BTN3A1: variants seen among roughly 807,000 people sequenced by gnomAD.
BTN3A1 encodes the protein dJ45P21.3 (butyrophilin, subfamily 3, member A1).
Under a neutral mutation model 43.0 loss-of-function variants are expected in BTN3A1, and 24 were observed. The ratio of observed to expected loss-of-function variants is 0.56; its 90% CI spans 0.40 to 0.78. BTN3A1 has a LOEUF of 0.78. Ranked by LOEUF, BTN3A1 falls within the 30% of genes least tolerant of loss-of-function variation. BTN3A1 has a pLI of 0.00. For missense variants in BTN3A1, 533 were observed against 626.2 expected, an observed-to-expected ratio of 0.85 and a Z score of 1.59; for synonymous variants, 181 against 234.7, an observed-to-expected ratio of 0.77 and a Z score of 2.09.
At position 26,407,714 on chromosome 6, in the gene BTN3A1, T is replaced by C. The variant is rs373188059; in HGVS notation, c.477T>C (p.Asp159=). 5.0e-6 allele frequency: 8 copies of C among 1,614,088 alleles called. No homozygotes were observed. The African/African-American group carries it at 1.1e-4, about 22-fold the overall frequency. Residue 159 remains aspartate (D), a synonymous_variant, in exon 4 of 10, where the codon GAT becomes GAC. Transcript: ENST00000289361. ...DLHVDVKGYK[D]GGIHLECRST... The stretch of plus-strand genomic sequence containing the variant: ...ACGTTGATGTGAAGGGTTACAAGGA[T>C]GGAGGGATCCATCTGGAGTGCAGGT...
chr6:26,407,818 T>C lies in BTN3A1; in HGVS notation c.581T>C (p.Val194Ala), dbSNP rs1762071280. Residue 194 changes from valine to alanine, a missense_variant, in exon 4 of 10, where the codon GTG (valine) becomes GCG (alanine). Val to Ala is a moderately conservative substitution (Grantham distance 64, BLOSUM62 0). Transcript: ENST00000289361. Reference sequence around the variant, plus strand: ...AACATCCCGACTGTGGAAGCACCTGTGGTTGCAGACGGAGTGGGCCTGTAT... The same window carrying C: ...AACATCCCGACTGTGGAAGCACCTGCGGTTGCAGACGGAGTGGGCCTGTAT... ...GENIPTVEAP[V>A]VADGVGLYAV... 1.9e-6 allele frequency: 3 copies of C among 1,614,214 alleles called. No individual in the cohort carries two copies. The highest frequency in any genetic ancestry group is 2.5e-6 in the Non-Finnish European group (3 of 1,180,028).
At chr6:26,411,025 A>G (rs1044114309) in intron 7 of BTN3A1, 84 bp from the exon 8 acceptor site, 4 of 797,080 alleles carry the variant, frequency 5.0e-6, no homozygotes, top group Non-Finnish European at 7.8e-6. Context: ...AAAAAAAAAG[A>G]TTAGATGGAT....
At chr6:26,409,793 C>CA (rs997707270) in intron 5 of BTN3A1, 60 bp downstream of exon 5, 1 of 1,603,244 alleles carries the variant, frequency 6.2e-7, no homozygotes, top group African/African-American at 1.3e-5. Context: ...CCAAAGACCT[C>CA]ACGCCCATCC....
intron 9 of BTN3A1, 158 bp downstream of exon 9, chr6:26,411,739 C>A: frequency 1.1e-6 from 1 of 896,162 alleles, no homozygotes; most frequent in Non-Finnish European, 1.7e-6. Context: ...GAAAAGTGGG[C>A]CCATCTCCAA....
intron 9 of BTN3A1, 125 bp from the exon 10 acceptor site, chr6:26,413,044 G>A: frequency 6.6e-6 from 10 of 1,509,640 alleles, no homozygotes; most frequent in Non-Finnish European, 8.8e-6. Flanking sequence ...TCACATTTAG[G>A]GCAGACTAGG....
chr6:26,412,731 C>T (rs1452349785), intron 9 of BTN3A1: 1 of 1,551,406 alleles, frequency 6.4e-7, no homozygotes, highest in Non-Finnish European at 8.7e-7. Context: ...GATGAGGCTC[C>T]ACTTTGTTAA....
chr6:26,408,682 T>C (rs1762102835), intron 4 of BTN3A1, among the ~76,000 whole-genome samples: 1 of 152,228 alleles, frequency 6.6e-6, no homozygotes, highest in African/African-American at 2.4e-5. Flanking sequence ...TAAAAAGTTA[T>C]TTTTTATAGC....
intron 8 of BTN3A1, 68 bp downstream of exon 8, chr6:26,411,203 C>T: frequency 6.5e-7 from 1 of 1,542,706 alleles, no homozygotes; most frequent in South Asian, 1.2e-5. Flanking sequence ...CTTTTCTCTG[C>T]TGTGACCCAT....
intron 9 of BTN3A1, chr6:26,412,771 C>T (rs1762262716): frequency 1.3e-6 from 2 of 1,551,398 alleles, no homozygotes; most frequent in Non-Finnish European, 1.7e-6. Context: ...AAATAGACTG[C>T]AGAAAAGGGG....
rs1762213480 is a variant in BTN3A1 at position 26,411,423 on chromosome 6, G to A, written c.992-132G>A. The A allele has an allele frequency of 5.1e-6, 6 of 1,169,090 alleles. No individual in the cohort carries two copies. The African/African-American group carries it at 6.2e-5, about 12-fold the overall frequency. The allele number at this position is 1,169,090 out of a possible 1,614,324, so 72.4% of individuals were successfully genotyped here. On this transcript the variant is annotated intron_variant, in intron 8 of 9. Transcript: ENST00000289361. ...GTACCACCCCTGATCCATCAGAGCTGTAGAAGAGGGAGGCTGGACCCTGGA... is the reference window on the plus strand; with the variant it reads ...GTACCACCCCTGATCCATCAGAGCTATAGAAGAGGGAGGCTGGACCCTGGA...
Position 26,410,019 on chromosome 6 carries a change from C to A in BTN3A1, c.951C>A (p.Ile317=). Residue 317 remains isoleucine (I), a synonymous_variant, in exon 7 of 10, where the codon ATC becomes ATA. Transcript: ENST00000289361. ...KLLEELRWRS[I]QYASRGERHS... is the part of the protein sequence containing the mutation. ...CTTCCGTTGCAGGATGGAGAAGTAT[C>A]CAGTATGCATCTCGTAAGTGCCTCT... is the stretch of plus-strand genomic sequence containing the variant. 1 of 1,614,076 alleles carries A rather than the reference C, an allele frequency of 6.2e-7. No homozygotes were observed. The highest frequency in any genetic ancestry group is 8.5e-7 in the Non-Finnish European group (1 of 1,180,006).
At chr6:26,410,620 T>C (rs1278934407) in intron 7 of BTN3A1, among the ~76,000 whole-genome samples, 1 of 152,088 alleles carries the variant, frequency 6.6e-6, no homozygotes, top group Non-Finnish European at 1.5e-5. Flanking sequence ...CACTAGTCCC[T>C]GAAATTGCTC....
chr6:26,411,625 A>C, intron 9 of BTN3A1, 44 bp downstream of exon 9: 1 of 1,590,044 alleles, frequency 6.3e-7, no homozygotes, highest in Non-Finnish European at 8.6e-7. Context: ...AACCTGAGGG[A>C]CTATATTCCT....
At chr6:26,413,075 G>GA (rs2113811283) in intron 9 of BTN3A1, 94 bp from the exon 10 acceptor site, 1 of 1,529,194 alleles carries the variant, frequency 6.5e-7, no homozygotes, top group African/African-American at 1.4e-5. Flanking sequence ...TTTGGACTCA[G>GA]ACCTCCTCAG....
At chr6:26,412,208 G>T in intron 9 of BTN3A1, 1 of 534,938 alleles carries the variant, frequency 1.9e-6, no homozygotes, top group South Asian at 2.6e-5. Context: ...CCCAACAGTG[G>T]GGAGCTGTCT....
chr6:26,413,945 G>A lies in BTN3A1; in HGVS notation c.*253G>A, dbSNP rs769870174. On this transcript the variant is annotated 3_prime_UTR_variant, in exon 10 of 10. Transcript: ENST00000289361. ...TTCATATGACAGTTGTTTGAGTTTGGTACCATCTTATTTTCCCCTTATACA... is the reference window on the plus strand; with the variant it reads ...TTCATATGACAGTTGTTTGAGTTTGATACCATCTTATTTTCCCCTTATACA... 62 of 604,248 alleles carry A rather than the reference G, an allele frequency of 1.0e-4. No individual in the cohort carries two copies. Among genetic ancestry groups the A allele is most frequent in the Middle Eastern group, 8.5e-4 (3 of 3,520 alleles). The allele number at this position is 604,248 out of a possible 1,614,324, so 37.4% of individuals were successfully genotyped here.
At position 26,409,924 on chromosome 6, in the gene BTN3A1, C is replaced by T. The variant is rs748489765; in HGVS notation, c.937+10C>T. The T allele has an allele frequency of 9.9e-6, 16 of 1,614,150 alleles. No homozygotes were observed. The Admixed American group carries it at 2.7e-4, about 27-fold the overall frequency. On this transcript the variant is annotated intron_variant, in intron 6 of 9. Coordinates refer to ENST00000289361, the MANE Select transcript of BTN3A1 (RefSeq NM_007048.6). Reference sequence around the variant, plus strand: ...CTCCTGGAGGAACTCAGTAAGTTCCCATTCCCCCAGAGACCCAGGCATGTC... The same window carrying T: ...CTCCTGGAGGAACTCAGTAAGTTCCTATTCCCCCAGAGACCCAGGCATGTC...
chr6:26,408,760 G>T (rs1762105312), intron 4 of BTN3A1, among the ~76,000 whole-genome samples: 1 of 152,172 alleles, frequency 6.6e-6, no homozygotes, highest in African/African-American at 2.4e-5. Flanking sequence ...TCATGCAATG[G>T]ATACCACTCA....
chr6:26,412,240 T>C, intron 9 of BTN3A1: 2 of 579,052 alleles, frequency 3.5e-6, no homozygotes, highest in Admixed American at 6.2e-5. Context: ...CTGGGACGGC[T>C]AGGGAGGGGA....
Sources: gnomAD v4.1 joint callset for allele counts (sites outside exome capture counted in the v4.1 genomes callset) on GRCh38, gnomAD v4.1.1 for gene constraint, MANE v1.5 for transcripts, NCBI Gene and HGNC (gene_info 2026-07-23, HGNC 2026-07-21) for gene names.